TSPAN9: variants seen among roughly 807,000 people sequenced by gnomAD.
TSPAN9 encodes tetraspanin-9.
A neutral mutation model predicts 31.0 loss-of-function variants in TSPAN9; 16 were observed. That is an observed-to-expected ratio of 0.52 (90% CI 0.35 to 0.78). The LOEUF is 0.78. TSPAN9 is among the 30% of genes least tolerant of loss of function. TSPAN9 has a pLI of 0.01. For missense variants in TSPAN9, 272 were observed against 312.5 expected (o/e 0.87, Z 0.98); for synonymous variants, 145 against 121.6 (o/e 1.19, Z -1.27).
intron 3 of TSPAN9, among the ~76,000 whole-genome samples, chr12:3,273,468 G>T (rs955159987): frequency 6.6e-6 from 1 of 152,118 alleles, no homozygotes; most frequent in African/African-American, 2.4e-5. Flanking sequence ...ATTGCCTGGG[G>T]CCCAATCCCC....
chr12:3,229,658 G>A (rs372836177), intron 3 of TSPAN9, among the ~76,000 whole-genome samples: 1 of 152,208 alleles, frequency 6.6e-6, no homozygotes, highest in East Asian at 1.9e-4. Context: ...GGTAGAGGAT[G>A]CCTCAAAGAT....
intron 3 of TSPAN9, among the ~76,000 whole-genome samples, chr12:3,221,108 A>G (rs1177188787): frequency 6.6e-6 from 1 of 152,102 alleles, no homozygotes; most frequent in Non-Finnish European, 1.5e-5. Flanking sequence ...CGCCACCCTC[A>G]GCAGGTGGCC....
intron 3 of TSPAN9, among the ~76,000 whole-genome samples, chr12:3,216,320 G>C (rs898415492): frequency 3.3e-5 from 5 of 152,210 alleles, no homozygotes; most frequent in Admixed American, 3.3e-4. Flanking sequence ...TGTGGGAGTA[G>C]GTTTTGGAGG....
chr12:3,165,409 A>G (rs776777638), intron 2 of TSPAN9, among the ~76,000 whole-genome samples: 9 of 152,186 alleles, frequency 5.9e-5, no homozygotes, highest in African/African-American at 1.4e-4. Flanking sequence ...TGAAGTGTCA[A>G]TTCCTTGGGC....
At chr12:3,194,176 G>A (rs1056515826) in intron 2 of TSPAN9, among the ~76,000 whole-genome samples, 1 of 152,158 alleles carries the variant, frequency 6.6e-6, no homozygotes, top group Admixed American at 6.5e-5. Context: ...CAGGCACTGA[G>A]GGGTGGGGTA....
At chr12:3,103,629 A>G (rs945231929) in intron 2 of TSPAN9, among the ~76,000 whole-genome samples, 1 of 152,166 alleles carries the variant, frequency 6.6e-6, no homozygotes, top group Non-Finnish European at 1.5e-5. Context: ...ATTCCTAGAC[A>G]CTGCTCCTGT....
intron 2 of TSPAN9, among the ~76,000 whole-genome samples, chr12:3,184,121 G>A (rs910377577): frequency 2.0e-5 from 3 of 152,144 alleles, no homozygotes; most frequent in African/African-American, 7.2e-5. Context: ...AGCCAGGCAC[G>A]GTGCACACCT....
chr12:3,183,060 G>A lies in TSPAN9; in HGVS notation c.-17-18117G>A, dbSNP rs1277788659. On this transcript the variant is annotated intron_variant, in intron 2 of 8. Transcript: ENST00000011898. ...GCGTACCTGAAAGTGAACAGTCAAA[G>A]GCAGAGCTAGCGCCATTGCTGATGA... 4.6e-5 allele frequency among the ~76,000 whole-genome samples: 7 copies of A among 152,238 alleles called. No individual in the cohort carries two copies. The East Asian group carries it at 1.3e-3, about 29-fold the overall frequency.
At chr12:3,179,269 A>AC (rs2098357517) in intron 2 of TSPAN9, among the ~76,000 whole-genome samples, 1 of 151,928 alleles carries the variant, frequency 6.6e-6, no homozygotes, top group Non-Finnish European at 1.5e-5. Flanking sequence ...TGCATTACAC[A>AC]CCCCGACACT....
intron 2 of TSPAN9, among the ~76,000 whole-genome samples, chr12:3,096,761 C>T (rs1387974731): frequency 1.6e-4 from 24 of 151,644 alleles, no homozygotes; most frequent in Admixed American, 9.2e-4. Context: ...GGCATGATCT[C>T]GGCTCACTGC....
chr12:3,260,127 C>G (rs79683260), intron 3 of TSPAN9, among the ~76,000 whole-genome samples: 2,122 of 152,352 alleles, frequency 0.014, 45 homozygotes, highest in African/African-American at 0.047. Flanking sequence ...GCTGGAGCTC[C>G]CAGGCAGGGC....
chr12:3,246,952 G>C (rs1862143502), intron 3 of TSPAN9, among the ~76,000 whole-genome samples: 1 of 152,186 alleles, frequency 6.6e-6, no homozygotes, highest in Non-Finnish European at 1.5e-5. Flanking sequence ...TTCCAGGATA[G>C]ATTTTCTGCA....
chr12:3,239,918 G>A (rs146419340), intron 3 of TSPAN9, among the ~76,000 whole-genome samples: 2 of 152,030 alleles, frequency 1.3e-5, no homozygotes, highest in Non-Finnish European at 2.9e-5. Context: ...ATAGGGGGGG[G>A]ACGAGGGAGG....
chr12:3,265,391 G>A (rs1048297329), intron 3 of TSPAN9, among the ~76,000 whole-genome samples: 3 of 152,134 alleles, frequency 2.0e-5, no homozygotes, highest in African/African-American at 2.4e-5. Context: ...GCAGAGACAC[G>A]GTACATGAAA....
At chr12:3,081,834 GTC>G (rs1378688010) in intron 1 of TSPAN9, among the ~76,000 whole-genome samples, 30,556 of 74,304 alleles carry the variant, frequency 0.41, 4,405 homozygotes, top group South Asian at 0.49. Context: ...GTGTGTGTGT[GTC>G]TGTGTGTGTA....
At chr12:3,209,234 CAAA>C (rs10580349) in intron 3 of TSPAN9, among the ~76,000 whole-genome samples, 107 of 139,634 alleles carry the variant, frequency 7.7e-4, no homozygotes, top group Middle Eastern at 3.6e-3. Flanking sequence ...GACTCCATCT[CAAA>C]AAAAAAAAAA....
intron 3 of TSPAN9, among the ~76,000 whole-genome samples, chr12:3,272,351 A>G (rs670203): frequency 0.44 from 66,192 of 151,916 alleles, 14,799 homozygotes; most frequent in Middle Eastern, 0.55. Flanking sequence ...GCTATGGCCC[A>G]CTCAGGCCCC....
intron 2 of TSPAN9, among the ~76,000 whole-genome samples, chr12:3,148,396 C>T (rs1266840211): frequency 2.0e-5 from 3 of 152,238 alleles, no homozygotes; most frequent in African/African-American, 7.2e-5. Context: ...GACTCTCAGG[C>T]CAACACCCAC....
At chr12:3,214,163 C>A (rs1167333512) in intron 3 of TSPAN9, among the ~76,000 whole-genome samples, 2 of 152,222 alleles carry the variant, frequency 1.3e-5, no homozygotes, top group Non-Finnish European at 1.5e-5. Flanking sequence ...TCTGAGGTCT[C>A]TCTGGGCCCT....
Sources: gnomAD v4.1 joint callset for allele counts (sites outside exome capture counted in the v4.1 genomes callset) on GRCh38, gnomAD v4.1.1 for gene constraint, MANE v1.5 for transcripts, NCBI Gene and HGNC (gene_info 2026-07-23, HGNC 2026-07-21) for gene names.